Variants in SPRED2 observed in about 807,000 individuals in gnomAD.
SPRED2 encodes the protein sprouty related EVH1 domain containing 2.
A neutral mutation model predicts 43.0 loss-of-function variants in SPRED2; 47 were observed. The ratio of observed to expected loss-of-function variants is 1.09; its 90% confidence interval spans 0.87 to 1.40. The LOEUF (loss-of-function observed/expected upper bound fraction) is 1.40. SPRED2 is among the 40% of genes most tolerant of loss of function. The pLI is 0.00. For missense variants in SPRED2, 561 were observed against 586.4 expected (o/e 0.96, Z 0.45); for synonymous variants, 225 against 225.7 (o/e 1.00, Z 0.03).
intron 1 of SPRED2, among the ~76,000 whole-genome samples, chr2:65,404,518 A>G (rs181872750): frequency 6.0e-4 from 92 of 152,344 alleles, no homozygotes; most frequent in Admixed American, 4.8e-3. Context: ...AGGAGCACAT[A>G]ATTTAATGCA....
intron 1 of SPRED2, among the ~76,000 whole-genome samples, chr2:65,421,883 C>A (rs960331238): frequency 2.0e-5 from 3 of 152,292 alleles, no homozygotes; most frequent in South Asian, 2.1e-4. Flanking sequence ...GAGGTTGTAA[C>A]ACAGACTGTT....
intron 1 of SPRED2, among the ~76,000 whole-genome samples, chr2:65,420,268 G>C (rs1175257369): frequency 6.6e-6 from 1 of 151,494 alleles, no homozygotes; most frequent in Non-Finnish European, 1.5e-5. Context: ...GATACAACTG[G>C]AGGGTCTATA....
Position 65,431,970 on chromosome 2 carries a change from G to C in SPRED2, c.18C>G (p.His6Gln). ...CCCGCGACCAAACTTACTCGTCTGG[G>C]TGTGTTTCTTCGGTCATTTTCTTGT... MTEET[H>Q]PDDDSYIVRV... The change falls in exon 1 of 6, where the codon CAC becomes CAG. Residue 6 changes from histidine (H) to glutamine (Q), a missense_variant. Coordinates refer to ENST00000356388, the MANE Select transcript of SPRED2 (RefSeq NM_181784.3). 3 of 1,613,994 alleles carry C rather than the reference G, an allele frequency of 1.9e-6. No homozygotes were observed. Among genetic ancestry groups the C allele is most frequent in the Non-Finnish European group, 8.5e-7 (1 of 1,179,986 alleles).
chr2:65,339,720 T>TAA (rs34726276), intron 2 of SPRED2, among the ~76,000 whole-genome samples: 54,347 of 142,578 alleles, frequency 0.38, 10,647 homozygotes, highest in East Asian at 0.7. Flanking sequence ...AAAATAAAAT[T>TAA]AAAAAAAAAT....
Position 65,332,294 on chromosome 2 carries a change from C to T in SPRED2, c.374-243G>A, listed in dbSNP as rs116528009. On this transcript the variant is annotated intron_variant, in intron 3 of 5. Transcript: ENST00000356388. ...CCAATTAATCTCTCAAACTTCTGCA[C>T]TCGCTGCTAGAGAATAAGCACACAG... 4.3e-3 allele frequency: 1,549 copies of T among 359,826 alleles called. 21 individuals carry two copies. Among genetic ancestry groups the T allele is most frequent in the African/African-American group, 0.03 (1,402 of 47,214 alleles). The allele number at this position is 359,826 out of a possible 1,614,324, so 22.3% of individuals were successfully genotyped here. A position where few individuals can be genotyped will look rare whatever the true frequency, so the allele number is the denominator to read the frequency against.
intron 2 of SPRED2, 96 bp from the exon 3 acceptor site, chr2:65,334,869 T>C: frequency 2.3e-6 from 3 of 1,283,586 alleles, no homozygotes; most frequent in Non-Finnish European, 3.3e-6. Context: ...TGGTGGCAAC[T>C]ACCAAAACCC....
rs544777028 is a variant in SPRED2, at chr2:65,334,597, T to C, written c.373+8A>G. 2.5e-6 allele frequency: 4 copies of C among 1,613,974 alleles called. No individual in the cohort carries two copies. The African/African-American group carries it at 5.3e-5, about 22-fold the overall frequency. On this transcript the variant is annotated splice_region_variant and intron_variant, in intron 3 of 5. Transcript: ENST00000356388. ...GTCCCACTAAGAATGCAGCGACAAG[T>C]TCAATACCTTCTATAAGGTCTTCGA...
chr2:65,406,825 GAGCTC>G (rs985160283), intron 1 of SPRED2, among the ~76,000 whole-genome samples: 4 of 152,160 alleles, frequency 2.6e-5, no homozygotes, highest in African/African-American at 9.7e-5. Context: ...CCTTTCCTGA[GAGCTC>G]AGCCTTGAGA....
Position 65,344,727 on chromosome 2 carries a change from C to G in SPRED2, c.196G>C (p.Asp66His). 6.2e-7 allele frequency: 1 copy of G among 1,614,028 alleles called. No individual in the cohort carries two copies. Among genetic ancestry groups the G allele is most frequent in the Non-Finnish European group, 8.5e-7 (1 of 1,179,888 alleles). Reference sequence around the variant, plus strand: ...TGTATGTCTGCCATTACCAGTTTGTCTTTCTGTCGTTCACCATGGATGAGA... The same window carrying G: ...TGTATGTCTGCCATTACCAGTTTGTGTTTCTGTCGTTCACCATGGATGAGA... ...GFLIHGERQKDKLVVLECYVR... is the reference protein window; with the variant it reads ...GFLIHGERQKHKLVVLECYVR... The change falls in exon 2 of 6, where the codon GAC becomes CAC. Residue 66 changes from aspartate to histidine, a missense_variant. Asp to His is a moderately conservative substitution (Grantham distance 81). This residue lies in a region of SPRED2 where 305 missense variants were observed against 282.4 expected (regional missense o/e 1.08). Transcript: ENST00000356388.
chr2:65,325,040 C>A (rs980672564), intron 4 of SPRED2, among the ~76,000 whole-genome samples: 2 of 152,294 alleles, frequency 1.3e-5, no homozygotes, highest in South Asian at 2.1e-4. Context: ...GAATTATTAT[C>A]AAGGGGCACC....
intron 1 of SPRED2, among the ~76,000 whole-genome samples, chr2:65,409,952 C>A (rs1013726187): frequency 6.0e-5 from 9 of 151,222 alleles, no homozygotes; most frequent in African/African-American, 2.2e-4. Context: ...ATCGCTTGAA[C>A]CAGGGAGGTG....
chr2:65,390,432 G>A (rs748635780), intron 1 of SPRED2, among the ~76,000 whole-genome samples: 42 of 152,186 alleles, frequency 2.8e-4, no homozygotes, highest in Non-Finnish European at 5.1e-4. Flanking sequence ...GAGGTTTGGC[G>A]TGGGGAGTAA....
intron 1 of SPRED2, among the ~76,000 whole-genome samples, chr2:65,382,866 A>G (rs898826854): frequency 1.2e-4 from 19 of 152,360 alleles, no homozygotes; most frequent in Middle Eastern, 3.4e-3. Flanking sequence ...GTGTGGGTCT[A>G]GAAGCCACGG....
intron 1 of SPRED2, among the ~76,000 whole-genome samples, chr2:65,405,671 T>C (rs1676007806): frequency 6.6e-6 from 1 of 152,226 alleles, no homozygotes; most frequent in African/African-American, 2.4e-5. Flanking sequence ...GTGGGAGTGA[T>C]ACGGCACTGC....
chr2:65,381,599 A>G (rs746371109), intron 1 of SPRED2, among the ~76,000 whole-genome samples: 1 of 152,202 alleles, frequency 6.6e-6, no homozygotes, highest in Non-Finnish European at 1.5e-5. Flanking sequence ...GTTGACACCT[A>G]TGGCAATTAT....
intron 1 of SPRED2, among the ~76,000 whole-genome samples, chr2:65,429,543 C>T (rs1174029030): frequency 1.3e-5 from 2 of 152,206 alleles, no homozygotes; most frequent in African/African-American, 4.8e-5. Flanking sequence ...AAAGCAATCA[C>T]AGCAAGCTCT....
intron 2 of SPRED2, among the ~76,000 whole-genome samples, chr2:65,341,261 A>G (rs536886404): frequency 6.6e-6 from 1 of 152,076 alleles, no homozygotes; most frequent in African/African-American, 2.4e-5. Context: ...ACAGCAGGAC[A>G]TATGGGTGTG....
intron 1 of SPRED2, among the ~76,000 whole-genome samples, chr2:65,415,966 C>G (rs1676263324): frequency 2.6e-5 from 4 of 152,170 alleles, no homozygotes; most frequent in South Asian, 2.1e-4. Context: ...CCCAGTATGA[C>G]AGATTAATCG....
At chr2:65,342,147 A>ATATGTATATTTTATATACATATATTATG (rs1558659926) in intron 2 of SPRED2, among the ~76,000 whole-genome samples, 16 of 149,074 alleles carry the variant, frequency 1.1e-4, no homozygotes, top group African/African-American at 3.9e-4. Context: ...ATAAGATTTT[A>ATATGTATATTTTATATACATATATTATG]TATGTATATT....
Sources: gnomAD v4.1 joint callset for allele counts (sites outside exome capture counted in the v4.1 genomes callset) on GRCh38, gnomAD v4.1.1 for gene constraint, gnomAD v4.1.1 regional missense constraint, MANE v1.5 for transcripts, NCBI Gene and HGNC (gene_info 2026-07-23, HGNC 2026-07-21) for gene names.